AGBL4: variants seen among roughly 807,000 people sequenced by gnomAD.
AGBL4 encodes the protein AGBL carboxypeptidase 4, also known as cytosolic carboxypeptidase 6.
Under a neutral mutation model 66.4 loss-of-function variants are expected in AGBL4, and 58 were observed. The ratio of observed to expected loss-of-function variants is 0.87; its 90% CI spans 0.71 to 1.09. AGBL4 has a LOEUF of 1.09. Ranked by LOEUF, AGBL4 falls within the 50% of genes least tolerant of loss-of-function variation. The probability of loss-of-function intolerance (pLI) is 0.00; values close to 1 mark genes in which losing one functional copy is unlikely to be tolerated. For missense variants in AGBL4, 579 were observed against 631.0 expected (o/e 0.92, Z 0.88); for synonymous variants, 234 against 222.9 (o/e 1.05, Z -0.44).
intron 1 of AGBL4, among the ~76,000 whole-genome samples, chr1:49,858,169 C>T (rs966070324): frequency 1.3e-5 from 2 of 152,012 alleles, no homozygotes; most frequent in Admixed American, 6.6e-5. Context: ...CAATGAGATA[C>T]CATCTCACCC....
At position 49,302,914 on chromosome 1, in the gene AGBL4, G is replaced by A. The variant is rs147768098; in HGVS notation, c.283-57050C>T. Among the ~76,000 whole-genome samples, 14 of 152,060 alleles carry A rather than the reference G, an allele frequency of 9.2e-5. No individual in the cohort carries two copies. In the East Asian group the frequency reaches 2.7e-3, roughly 29 times the overall value. ...TCACTTATAAGTGAGAACATGTAGT[G>A]TTTGGTTTTCCGTTCCTGTGTTAGT... On this transcript the variant is annotated intron_variant, in intron 3 of 13. Coordinates refer to ENST00000371839, the MANE Select transcript of AGBL4 (RefSeq NM_032785.4).
At chr1:48,744,974 T>C (rs1650506151) in intron 6 of AGBL4, among the ~76,000 whole-genome samples, 1 of 139,064 alleles carries the variant, frequency 7.2e-6, no homozygotes, top group African/African-American at 2.6e-5. Context: ...TTTGTGAGGC[T>C]TGATTGTCAT....
chr1:48,969,810 T>C (rs2148951615), intron 5 of AGBL4, among the ~76,000 whole-genome samples: 1 of 152,306 alleles, frequency 6.6e-6, no homozygotes, highest in Admixed American at 6.5e-5. Context: ...ATCTACCCTA[T>C]AGGATTATTA....
Position 49,256,858 on chromosome 1 carries a change from A to G in AGBL4, c.283-10994T>C, listed in dbSNP as rs143091802. Among the ~76,000 whole-genome samples the G allele has an allele frequency of 9.2e-5, 14 of 152,370 alleles. No homozygotes were observed. The East Asian group carries it at 2.7e-3, about 29-fold the overall frequency. On this transcript the variant is annotated intron_variant, in intron 3 of 13. Transcript: ENST00000371839. ...CAATACATATTAAAAACAATATCGT[A>G]GATCAGATGAAAATTTGAACTATAA...
At chr1:48,586,476 A>C (rs545625505) in intron 11 of AGBL4, 1 of 156,238 alleles carries the variant, frequency 6.4e-6, no homozygotes, top group South Asian at 2.0e-4. Flanking sequence ...AGGAGGGAGG[A>C]GGAGGGCATA....
intron 12 of AGBL4, among the ~76,000 whole-genome samples, chr1:48,536,705 C>G (rs1479633296): frequency 6.6e-6 from 1 of 152,218 alleles, no homozygotes; most frequent in Non-Finnish European, 1.5e-5. Context: ...GTGACTAAGC[C>G]TGAGTCCACC....
chr1:49,654,208 T>C (rs1246939206), intron 3 of AGBL4, among the ~76,000 whole-genome samples: 1 of 152,162 alleles, frequency 6.6e-6, no homozygotes, highest in Non-Finnish European at 1.5e-5. Flanking sequence ...GAGCAGGTTG[T>C]TCAATTTCCA....
At chr1:49,947,548 T>TA (rs1208071296) in intron 1 of AGBL4, among the ~76,000 whole-genome samples, 1 of 151,158 alleles carries the variant, frequency 6.6e-6, no homozygotes, top group African/African-American at 2.4e-5. Context: ...TATCTCGTTG[T>TA]AAAAAAAAGC....
chr1:50,009,407 A>C (rs1661364215), intron 1 of AGBL4, among the ~76,000 whole-genome samples: 1 of 152,214 alleles, frequency 6.6e-6, no homozygotes, highest in South Asian at 2.1e-4. Flanking sequence ...AATAAAGGAC[A>C]AAAACCATAT....
chr1:48,750,136 T>C (rs1408447694), intron 6 of AGBL4, among the ~76,000 whole-genome samples: 1 of 152,196 alleles, frequency 6.6e-6, no homozygotes, highest in Non-Finnish European at 1.5e-5. Flanking sequence ...AGGGACCATA[T>C]GGGATTCATC....
intron 6 of AGBL4, among the ~76,000 whole-genome samples, chr1:48,803,291 C>T (rs1177910092): frequency 1.3e-5 from 2 of 152,150 alleles, no homozygotes; most frequent in Admixed American, 1.3e-4. Flanking sequence ...AGTGCCCAGC[C>T]CAAGTCTGGC....
chr1:48,642,432 C>T (rs1159349581), intron 8 of AGBL4, among the ~76,000 whole-genome samples: 1 of 152,142 alleles, frequency 6.6e-6, no homozygotes, highest in Non-Finnish European at 1.5e-5. Context: ...GATTCATCCT[C>T]TCTCCTGCTT....
intron 1 of AGBL4, among the ~76,000 whole-genome samples, chr1:49,955,980 A>C (rs1393456876): frequency 1.3e-5 from 2 of 151,868 alleles, no homozygotes; most frequent in Non-Finnish European, 2.9e-5. Context: ...TTTTAGGAAA[A>C]TGGATTCAGC....
At chr1:48,864,248 G>A (rs1337942949) in intron 6 of AGBL4, among the ~76,000 whole-genome samples, 1 of 152,130 alleles carries the variant, frequency 6.6e-6, no homozygotes, top group Admixed American at 6.5e-5. Context: ...ACCATTTCAT[G>A]TTCATCATGA....
At chr1:48,806,307 C>T (rs1004680958) in intron 6 of AGBL4, among the ~76,000 whole-genome samples, 2 of 152,194 alleles carry the variant, frequency 1.3e-5, no homozygotes, top group African/African-American at 4.8e-5. Flanking sequence ...GACTTCTCAT[C>T]TGGTGTTCGA....
intron 11 of AGBL4, among the ~76,000 whole-genome samples, chr1:48,546,677 T>C (rs1023515563): frequency 1.3e-5 from 2 of 152,148 alleles, no homozygotes; most frequent in Non-Finnish European, 2.9e-5. Flanking sequence ...CCAGTGAACA[T>C]ATATGGGTTG....
At chr1:49,698,907 A>C (rs1386997280) in intron 2 of AGBL4, among the ~76,000 whole-genome samples, 1 of 152,022 alleles carries the variant, frequency 6.6e-6, no homozygotes, top group Admixed American at 6.6e-5. Context: ...AATCCACCAT[A>C]TGTGTCTACA....
intron 6 of AGBL4, among the ~76,000 whole-genome samples, chr1:48,866,457 C>T (rs1377909722): frequency 6.6e-6 from 1 of 152,152 alleles, no homozygotes; most frequent in African/African-American, 2.4e-5. Context: ...TTGAATATCA[C>T]CCATGGATGA....
In AGBL4 at chr1:48,761,502, C is replaced by T. The variant is rs577534756; in HGVS notation, c.635-98261G>A. 75 of 1,543,328 alleles carry T rather than the reference C, an allele frequency of 4.9e-5. No individual in the cohort carries two copies. In the Admixed American group the frequency reaches 1.4e-3, roughly 29 times the overall value. On this transcript the variant is annotated intron_variant, in intron 6 of 13. Coordinates refer to ENST00000371839, the MANE Select transcript of AGBL4 (RefSeq NM_032785.4). ...TGCATATCAAGAGAACAAGGTTCAT[C>T]ATGAGTTAAAATGAGTCATTATGAG...
Sources: gnomAD v4.1 joint callset for allele counts (sites outside exome capture counted in the v4.1 genomes callset) on GRCh38, gnomAD v4.1.1 for gene constraint, MANE v1.5 for transcripts, NCBI Gene and HGNC (gene_info 2026-07-23, HGNC 2026-07-21) for gene names.